The following ZNF804B variants were observed in gnomAD, a reference collection of about 807,000 sequenced individuals.
ZNF804B encodes the protein zinc finger protein 804B.
A neutral mutation model predicts 101.4 loss-of-function variants in ZNF804B; 80 were observed. The observed-to-expected ratio is 0.79, with a 90% confidence interval of 0.66 to 0.95. The LOEUF is 0.95. ZNF804B is among the 40% of genes least tolerant of loss of function. The pLI, the probability that ZNF804B is intolerant of heterozygous loss-of-function variation, is 0.00. For synonymous variants in ZNF804B, 622 were observed against 558.8 expected, an observed-to-expected ratio of 1.11 and a Z score of -1.59; for missense variants, 1,673 against 1,561.9, an observed-to-expected ratio of 1.07 and a Z score of -1.20.
At chr7:88,941,462 C>T (rs1048420231) in intron 1 of ZNF804B, among the ~76,000 whole-genome samples, 13 of 151,768 alleles carry the variant, frequency 8.6e-5, no homozygotes, top group East Asian at 1.9e-4. Context: ...AATAAAAAGA[C>T]GTGGTGGAAA....
chr7:89,258,381 T>C (rs543665294), intron 2 of ZNF804B, among the ~76,000 whole-genome samples: 5 of 152,242 alleles, frequency 3.3e-5, no homozygotes, highest in African/African-American at 1.2e-4. Context: ...TAATGAATAA[T>C]GAAAATTTAA....
At chr7:88,949,914 T>C (rs552064752) in intron 1 of ZNF804B, among the ~76,000 whole-genome samples, 16 of 152,066 alleles carry the variant, frequency 1.1e-4, no homozygotes, top group Admixed American at 3.3e-4. Context: ...GGTTATATCA[T>C]CTAGATTTGT....
At chr7:88,987,973 C>T (rs1793788277) in intron 1 of ZNF804B, among the ~76,000 whole-genome samples, 1 of 151,780 alleles carries the variant, frequency 6.6e-6, no homozygotes, top group Non-Finnish European at 1.5e-5. Context: ...AATCATCCCT[C>T]CTCCTTCCTT....
At chr7:88,798,889 T>G (rs761208237) in intron 1 of ZNF804B, among the ~76,000 whole-genome samples, 6 of 152,108 alleles carry the variant, frequency 3.9e-5, no homozygotes, top group Non-Finnish European at 8.8e-5. Flanking sequence ...CTCTTCTATC[T>G]GTCTGTCTAC....
At chr7:88,889,207 G>A (rs1048197803) in intron 1 of ZNF804B, among the ~76,000 whole-genome samples, 5 of 152,154 alleles carry the variant, frequency 3.3e-5, no homozygotes, top group Admixed American at 1.3e-4. Context: ...GGGCACCGAG[G>A]TTGATTCCAT....
At chr7:89,106,455 T>C (rs1790137972) in intron 1 of ZNF804B, among the ~76,000 whole-genome samples, 1 of 152,130 alleles carries the variant, frequency 6.6e-6, no homozygotes, top group Non-Finnish European at 1.5e-5. Flanking sequence ...TAGTAATGAA[T>C]GCTTTTGGAA....
At chr7:89,018,353 G>A (rs1788604354) in intron 1 of ZNF804B, among the ~76,000 whole-genome samples, 2 of 151,954 alleles carry the variant, frequency 1.3e-5, no homozygotes, top group Admixed American at 1.3e-4. Flanking sequence ...TGTGTTCCTT[G>A]AGTAAATCTC....
intron 1 of ZNF804B, among the ~76,000 whole-genome samples, chr7:89,186,336 C>G (rs574507252): frequency 3.0e-4 from 45 of 152,158 alleles, no homozygotes; most frequent in African/African-American, 9.1e-4. Context: ...CAAGTTTGCT[C>G]TGACCTACCT....
Position 89,278,726 on chromosome 7 carries a change from C to A in ZNF804B, c.250-48618C>A, listed in dbSNP as rs1790030246. The stretch of plus-strand genomic sequence containing the variant: ...TTGATCTATATCTCTGTTTTGGTAC[C>A]AGTACCATGCTGTTTTGGTTACTGT... On this transcript the variant is annotated intron_variant, in intron 2 of 3. Transcript: ENST00000333190. Among the ~76,000 whole-genome samples the A allele has an allele frequency of 2.7e-5, 4 of 149,622 alleles. No homozygotes were observed. The South Asian group carries it at 8.5e-4, about 32-fold the overall frequency.
chr7:89,103,801 T>A (rs569387391), intron 1 of ZNF804B, among the ~76,000 whole-genome samples: 1 of 152,168 alleles, frequency 6.6e-6, no homozygotes, highest in Admixed American at 6.6e-5. Flanking sequence ...CATAATTGTC[T>A]TGTTCTAATT....
chr7:89,071,706 C>T (rs907957821), intron 1 of ZNF804B, among the ~76,000 whole-genome samples: 16 of 151,978 alleles, frequency 1.1e-4, no homozygotes, highest in African/African-American at 3.6e-4. Context: ...AAATATGCTT[C>T]TCTATGAGCA....
intron 1 of ZNF804B, among the ~76,000 whole-genome samples, chr7:89,120,048 T>A (rs1790376464): frequency 6.6e-6 from 1 of 151,762 alleles, no homozygotes; most frequent in South Asian, 2.1e-4. Flanking sequence ...ACAGAAGAGA[T>A]CTCACAAACA....
chr7:89,106,612 T>C (rs1790141047), intron 1 of ZNF804B, among the ~76,000 whole-genome samples: 1 of 152,118 alleles, frequency 6.6e-6, no homozygotes, highest in African/African-American at 2.4e-5. Flanking sequence ...GAAGAAGCCA[T>C]TCTTTAAGAA....
intron 1 of ZNF804B, among the ~76,000 whole-genome samples, chr7:89,185,217 G>A (rs2115595299): frequency 6.6e-6 from 1 of 152,314 alleles, no homozygotes; most frequent in Non-Finnish European, 1.5e-5. Context: ...TTGGGACAAG[G>A]AGTCCATTAA....
At chr7:89,172,397 A>G (rs1243783168) in intron 1 of ZNF804B, among the ~76,000 whole-genome samples, 1 of 152,160 alleles carries the variant, frequency 6.6e-6, no homozygotes, top group Non-Finnish European at 1.5e-5. Context: ...TAAGCAATTC[A>G]GTTAAGCAAA....
chr7:89,246,608 C>T (rs1230931592), intron 2 of ZNF804B, among the ~76,000 whole-genome samples: 1 of 151,978 alleles, frequency 6.6e-6, no homozygotes, highest in East Asian at 1.9e-4. Flanking sequence ...ATTTGAGCAC[C>T]TGCTCACTTG....
intron 1 of ZNF804B, among the ~76,000 whole-genome samples, chr7:89,134,465 T>C (rs1790600545): frequency 6.6e-6 from 1 of 152,062 alleles, no homozygotes; most frequent in African/African-American, 2.4e-5. Context: ...GAATGAAGAA[T>C]GGTAGATCAC....
intron 1 of ZNF804B, among the ~76,000 whole-genome samples, chr7:89,130,832 A>C (rs187741305): frequency 6.6e-6 from 1 of 152,184 alleles, no homozygotes; most frequent in East Asian, 1.9e-4. Flanking sequence ...AGAGAAGATC[A>C]TCCCTACAAA....
intron 1 of ZNF804B, among the ~76,000 whole-genome samples, chr7:89,171,290 T>TGC (rs879342757): frequency 0.16 from 8,320 of 51,800 alleles, 271 homozygotes; most frequent in South Asian, 0.18. Context: ...CTGCTGCTGC[T>TGC]TCTTCTTCTT....
Sources: allele counts gnomAD v4.1 joint callset (sites outside exome capture counted in the v4.1 genomes callset), GRCh38; gene constraint gnomAD v4.1.1; transcripts MANE v1.5; gene names NCBI Gene and HGNC (gene_info 2026-07-23, HGNC 2026-07-21).